MYT1L: variants seen among roughly 807,000 people sequenced by gnomAD.
The protein encoded by MYT1L is myelin transcription factor 1-like protein.
Under a neutral mutation model 126.7 loss-of-function variants are expected in MYT1L, and 12 were observed. The observed-to-expected ratio is 0.09, with a 90% CI of 0.06 to 0.15. The LOEUF (loss-of-function observed/expected upper bound fraction) is 0.15. MYT1L is among the 10% of genes least tolerant of loss of function. The pLI is 1.00. For synonymous variants in MYT1L, 541 were observed against 604.2 expected (o/e 0.90, Z 1.53); for missense variants, 979 against 1,585.2 (o/e 0.62, Z 6.49).
intron 3 of MYT1L, among the ~76,000 whole-genome samples, chr2:2,133,568 T>G (rs1290318057): frequency 6.6e-6 from 1 of 152,220 alleles, no homozygotes; most frequent in Non-Finnish European, 1.5e-5. Context: ...GAAGCTGATA[T>G]GAAGGCAAAA....
chr2:2,300,174 A>G (rs1211025863), intron 1 of MYT1L, among the ~76,000 whole-genome samples: 1 of 152,242 alleles, frequency 6.6e-6, no homozygotes, highest in Admixed American at 6.5e-5. Context: ...AGTAAAACTG[A>G]TGTGTTCTAA....
intron 2 of MYT1L, among the ~76,000 whole-genome samples, chr2:2,279,711 G>C (rs964954825): frequency 6.6e-6 from 1 of 152,222 alleles, no homozygotes; most frequent in Non-Finnish European, 1.5e-5. Flanking sequence ...TGGCCAGGTA[G>C]TTTCGGGTTG....
At chr2:2,272,645 C>T (rs1478118921) in intron 2 of MYT1L, among the ~76,000 whole-genome samples, 1 of 152,190 alleles carries the variant, frequency 6.6e-6, no homozygotes, top group African/African-American at 2.4e-5. Context: ...CTCTGAACTC[C>T]TGAAGCCCAT....
intron 3 of MYT1L, among the ~76,000 whole-genome samples, chr2:2,054,655 G>A (rs967880584): frequency 5.3e-5 from 8 of 151,868 alleles, no homozygotes; most frequent in Non-Finnish European, 1.2e-4. Context: ...TGAGAGATAC[G>A]GAGATGAGGT....
At chr2:2,129,634 C>T (rs770745311) in intron 3 of MYT1L, among the ~76,000 whole-genome samples, 5 of 152,110 alleles carry the variant, frequency 3.3e-5, no homozygotes, top group East Asian at 1.9e-4. Flanking sequence ...AGGCCGGGCG[C>T]GGTGGCTCAC....
chr2:2,121,731 C>T (rs2081044883), intron 3 of MYT1L, among the ~76,000 whole-genome samples: 1 of 152,152 alleles, frequency 6.6e-6, no homozygotes, highest in Non-Finnish European at 1.5e-5. Flanking sequence ...GTGATCCGCC[C>T]ACCTCGGCCT....
intron 14 of MYT1L, among the ~76,000 whole-genome samples, chr2:1,894,608 C>T (rs1446304273): frequency 7.6e-6 from 1 of 132,398 alleles, no homozygotes; most frequent in African/African-American, 3.4e-5. Context: ...AAAACATTGC[C>T]CACATAAATT....
intron 4 of MYT1L, among the ~76,000 whole-genome samples, chr2:2,045,298 T>G (rs967761951): frequency 6.6e-6 from 1 of 152,248 alleles, no homozygotes; most frequent in Non-Finnish European, 1.5e-5. Flanking sequence ...GCAGGCTTCT[T>G]GCAGGCAGAC....
intron 20 of MYT1L, 81 bp from the exon 21 acceptor site, chr2:1,839,451 G>A (rs1480450940): frequency 2.6e-5 from 34 of 1,284,256 alleles, no homozygotes; most frequent in African/African-American, 2.1e-4. Context: ...AGAATAACCC[G>A]GCATGAAGAA....
chr2:2,259,142 G>A (rs1203071837), intron 2 of MYT1L, among the ~76,000 whole-genome samples: 4 of 50,986 alleles, frequency 7.8e-5, no homozygotes, highest in Non-Finnish European at 7.4e-5. Context: ...ACTATCGCAA[G>A]AACAAAAAAC....
chr2:1,901,976 A>G (rs2050400781), intron 14 of MYT1L, among the ~76,000 whole-genome samples: 1 of 152,186 alleles, frequency 6.6e-6, no homozygotes, highest in African/African-American at 2.4e-5. Flanking sequence ...ATCTTTTTCA[A>G]AGAAAAGCTT....
rs115678576 is a variant in MYT1L at position 1,955,937 on chromosome 2, T to C, written c.153-12603A>G. Among the ~76,000 whole-genome samples, 261 of 152,352 alleles carry C rather than the reference T, an allele frequency of 1.7e-3. 1 individual carries two copies. The highest frequency in any genetic ancestry group is 6.1e-3 in the African/African-American group (253 of 41,584). On this transcript the variant is annotated intron_variant, in intron 8 of 24. Coordinates refer to ENST00000647738, the MANE Select transcript of MYT1L (RefSeq NM_001303052.2). ...TCTAAAGTCACCACATGTGGAAATA[T>C]AGCTTAGGTTGTATATTTAATAGAG...
intron 1 of MYT1L, among the ~76,000 whole-genome samples, chr2:2,305,356 C>A (rs1021308446): frequency 6.6e-6 from 1 of 152,170 alleles, no homozygotes; most frequent in African/African-American, 2.4e-5. Flanking sequence ...GTGCCCTGAA[C>A]CAACACTTGG....
chr2:1,894,012 C>T (rs1021703823), intron 14 of MYT1L, among the ~76,000 whole-genome samples: 2 of 152,204 alleles, frequency 1.3e-5, no homozygotes, highest in Non-Finnish European at 2.9e-5. Context: ...AGCAAGTAAC[C>T]GCTTTACACC....
chr2:2,104,632 G>C (rs925053313), intron 3 of MYT1L, among the ~76,000 whole-genome samples: 33 of 152,320 alleles, frequency 2.2e-4, no homozygotes, highest in African/African-American at 7.5e-4. Flanking sequence ...TTACATATTT[G>C]GCACGAAGTG....
At chr2:2,152,246 G>C (rs1237689977) in intron 3 of MYT1L, among the ~76,000 whole-genome samples, 1 of 152,256 alleles carries the variant, frequency 6.6e-6, no homozygotes, top group African/African-American at 2.4e-5. Flanking sequence ...GTAGCCCACA[G>C]GGCGTGCACA....
chr2:2,042,965 AC>A (rs2067721243), intron 4 of MYT1L, among the ~76,000 whole-genome samples: 1 of 152,144 alleles, frequency 6.6e-6, no homozygotes, highest in Admixed American at 6.5e-5. Flanking sequence ...GCAGCACTGC[AC>A]CGGGGGTGGC....
chr2:2,320,242 C>T (rs2096138129), intron 1 of MYT1L, among the ~76,000 whole-genome samples: 1 of 151,962 alleles, frequency 6.6e-6, no homozygotes, highest in Non-Finnish European at 1.5e-5. Context: ...GCCCCAGAGC[C>T]TCTGCCCTGG....
intron 3 of MYT1L, among the ~76,000 whole-genome samples, chr2:2,073,915 G>A (rs1462311443): frequency 1.3e-5 from 2 of 152,092 alleles, no homozygotes; most frequent in Non-Finnish European, 2.9e-5. Flanking sequence ...TCCACCCTCA[G>A]CACTCTGGCC....
Sources: gnomAD v4.1 joint callset for allele counts (sites outside exome capture counted in the v4.1 genomes callset) on GRCh38, gnomAD v4.1.1 for gene constraint, MANE v1.5 for transcripts, NCBI Gene and HGNC (gene_info 2026-07-23, HGNC 2026-07-21) for gene names.